TRMT44: variants seen among roughly 807,000 people sequenced by gnomAD.
TRMT44 encodes the protein tRNA methyltransferase 44 homolog.
A neutral mutation model predicts 77.3 loss-of-function variants in TRMT44; 78 were observed. The ratio of observed to expected loss-of-function variants is 1.01; its 90% CI spans 0.84 to 1.22. TRMT44 has a LOEUF of 1.22. Among genes scored for constraint, TRMT44 ranks in the 50% most tolerant of loss-of-function variants. TRMT44 has a pLI of 0.00. For missense variants in TRMT44, 1,090 were observed against 964.4 expected (o/e 1.13, Z -1.73); for synonymous variants, 391 against 383.3 (o/e 1.02, Z -0.23).
intron 2 of TRMT44, among the ~76,000 whole-genome samples, chr4:8,487,453 A>C (rs1292706293): frequency 1.3e-5 from 2 of 151,878 alleles, no homozygotes; most frequent in Admixed American, 1.3e-4. Context: ...TGCAGAGATA[A>C]GAGGTCGGGG....
chr4:8,505,639 C>T, the TRMT44 span, among the ~76,000 whole-genome samples: 3 of 152,240 alleles, frequency 2.0e-5, no homozygotes, highest in Non-Finnish European at 4.4e-5. Context: ...TCCTCACTGT[C>T]ACCCTCTCAT....
At chr4:8,498,773 T>A in the TRMT44 span, among the ~76,000 whole-genome samples, 1 of 152,258 alleles carries the variant, frequency 6.6e-6, no homozygotes, top group South Asian at 2.1e-4. This position sits in a 1 kb window ranked among gnomAD's most constrained non-coding sequence, Gnocchi z 4.3. Context: ...GCGATGCCAC[T>A]GTGCCCTGTC....
chr4:8,441,446 G>A lies in TRMT44; in HGVS notation c.619+5G>A. 6.7e-7 allele frequency: 1 copy of A among 1,500,686 alleles called. No individual in the cohort carries two copies. Among genetic ancestry groups the A allele is most frequent in the South Asian group, 1.3e-5 (1 of 79,580 alleles). The allele number at this position is 1,500,686 out of a possible 1,614,324, so 93.0% of individuals were successfully genotyped here. On this transcript the variant is annotated splice_donor_5th_base_variant and intron_variant, in intron 1 of 10. Transcript: ENST00000389737. ...GGAGGGAAATAGTCGTGCAAGGTAA[G>A]AGTGTTTTGATAGTGGACGGATATG...
chr4:8,506,032 ACAG>A, the TRMT44 span, among the ~76,000 whole-genome samples: 2 of 152,232 alleles, frequency 1.3e-5, no homozygotes, highest in African/African-American at 2.4e-5. Context: ...GTATTTCTTC[ACAG>A]CAGTGTGAAA....
chr4:8,454,482 GA>G, intron 5 of TRMT44: 1 of 563,062 alleles, frequency 1.8e-6, no homozygotes, highest in Admixed American at 3.0e-5. Flanking sequence ...ACAGCAGCAA[GA>G]AAATCAGCTT....
chr4:8,489,473 T>C (rs1727925243), intron 2 of TRMT44, among the ~76,000 whole-genome samples: 1 of 151,778 alleles, frequency 6.6e-6, no homozygotes. Context: ...TTTGTTTTGT[T>C]TTGTTTTGTT....
rs1725518709 is a variant in TRMT44, at chr4:8,452,528, A to T, written c.1024-354A>T. 6.6e-6 allele frequency among the ~76,000 whole-genome samples: 1 copy of T among 152,178 alleles called. No homozygotes were observed. Among genetic ancestry groups the T allele is most frequent in the African/African-American group, 2.4e-5 (1 of 41,442 alleles). On this transcript the variant is annotated intron_variant, in intron 4 of 10. Coordinates refer to ENST00000389737, the MANE Select transcript of TRMT44 (RefSeq NM_152544.3). This position sits in a 1 kb window ranked among gnomAD's most constrained non-coding sequence, Gnocchi z 5.7. ...GGCGGGCAGATCACTTGAGGTCAGG[A>T]GTTTGAGACCAGCCTGGCCAACATG...
chr4:8,480,030 G>A (rs534158412), downstream of TRMT44, among the ~76,000 whole-genome samples: 6 of 152,068 alleles, frequency 3.9e-5, no homozygotes, highest in Non-Finnish European at 7.4e-5. Context: ...ACAGGCACGT[G>A]CCACCATGTT....
In TRMT44 at chr4:8,454,914, G is replaced by A. The variant is rs796388367; in HGVS notation, c.1203+101G>A. 3.3e-5 allele frequency: 34 copies of A among 1,042,624 alleles called. 1 individual carries two copies. The African/African-American group carries it at 5.1e-4, about 16-fold the overall frequency. The allele number at this position is 1,042,624 out of a possible 1,614,324, so 64.6% of individuals were successfully genotyped here. ...CTCTTTGTATAGGTCAAGCAGACAT[G>A]CTGATAGTAAACCTTCACATTAATC... On this transcript the variant is annotated intron_variant, in intron 6 of 10. Coordinates refer to ENST00000389737, the MANE Select transcript of TRMT44 (RefSeq NM_152544.3).
At chr4:8,513,645 A>T in the TRMT44 span, among the ~76,000 whole-genome samples, 4 of 152,238 alleles carry the variant, frequency 2.6e-5, no homozygotes, top group Non-Finnish European at 5.9e-5. Context: ...CCTGACAAAG[A>T]ATTGGAACCT....
downstream of TRMT44, among the ~76,000 whole-genome samples, chr4:8,481,482 T>C (rs1727611022): frequency 6.6e-6 from 1 of 152,204 alleles, no homozygotes; most frequent in South Asian, 2.1e-4. Flanking sequence ...TACAGGGATC[T>C]ACTCTCTTCG....
At chr4:8,449,994 ACC>A in intron 3 of TRMT44, 106 bp downstream of exon 3, 1 of 580,298 alleles carries the variant, frequency 1.7e-6, no homozygotes, top group Non-Finnish European at 2.5e-6. Context: ...TTGTTCTGTC[ACC>A]CCCCCAAAAA....
chr4:8,508,064 G>A, the TRMT44 span, among the ~76,000 whole-genome samples: 1 of 152,164 alleles, frequency 6.6e-6, no homozygotes, highest in South Asian at 2.1e-4. Flanking sequence ...CCACCACCAT[G>A]CCCAGCTAAT....
chr4:8,452,942 C>A lies in TRMT44; in HGVS notation c.1084C>A (p.Leu362Met), dbSNP rs923688313. The A allele has an allele frequency of 9.8e-6, 15 of 1,533,060 alleles. No individual in the cohort carries two copies. The highest frequency in any genetic ancestry group is 1.2e-5 in the Non-Finnish European group (14 of 1,145,534). 95.0% of individuals were successfully genotyped at this position (1,533,060 alleles called of 1,614,324 possible). ...AACTGCCAGGCAGTCCTTTGTGGACCTGGGATGTGGAAATGGCCTCCTGGT... is the reference window on the plus strand; with the variant it reads ...AACTGCCAGGCAGTCCTTTGTGGACATGGGATGTGGAAATGGCCTCCTGGT... Reference protein sequence around the residue: ...RLTARQSFVDLGCGNGLLVHI... With the variant: ...RLTARQSFVDMGCGNGLLVHI... Residue 362 changes from leucine to methionine, a missense_variant, in exon 5 of 11, where the codon CTG becomes ATG. Physicochemically the swap from Leu to Met is conservative, Grantham distance 15. Transcript: ENST00000389737. This position sits in a 1 kb window ranked among gnomAD's most constrained non-coding sequence, Gnocchi z 5.7.
chr4:8,458,845 A>G (rs572018918), intron 6 of TRMT44, among the ~76,000 whole-genome samples: 2 of 152,238 alleles, frequency 1.3e-5, no homozygotes, highest in African/African-American at 4.8e-5. Context: ...TTATGTTTAT[A>G]TTATTGATAA....
Position 8,444,706 on chromosome 4 carries a change from A to G in TRMT44, c.620-1770A>G, listed in dbSNP as rs138399830. On this transcript the variant is annotated intron_variant, in intron 1 of 10. Coordinates refer to ENST00000389737, the MANE Select transcript of TRMT44 (RefSeq NM_152544.3). The surrounding 1 kb of genome is among the most constrained non-coding windows in gnomAD (Gnocchi z 4.0). ...AGCCACCTCTCCCGGCCACTATTGT[A>G]CATTTTTAAATAACGAAAAGAGTGT... 1.9e-3 allele frequency among the ~76,000 whole-genome samples: 290 copies of G among 152,340 alleles called. 1 individual carries two copies. The highest frequency in any genetic ancestry group is 6.8e-3 in the Middle Eastern group (2 of 294).
chr4:8,485,481 A>G (rs1037180515), intron 2 of TRMT44, among the ~76,000 whole-genome samples: 2 of 152,214 alleles, frequency 1.3e-5, no homozygotes, highest in African/African-American at 4.8e-5. Context: ...GTGAGTGATA[A>G]CAGGCTTTAA....
At chr4:8,477,841 C>A (rs148274675), downstream of TRMT44, 1,265 of 152,656 alleles carry the variant, frequency 8.3e-3, 6 homozygotes, top group South Asian at 0.034. Flanking sequence ...CACAAAGGGG[C>A]TTGGGGCGAC....
At position 8,447,000 on chromosome 4, in the gene TRMT44, C is replaced by G. The variant is rs1725100686; in HGVS notation, c.734+410C>G. On this transcript the variant is annotated intron_variant, in intron 2 of 10. Transcript: ENST00000389737. This position sits in a 1 kb window ranked among gnomAD's most constrained non-coding sequence, Gnocchi z 4.3. ...TCCTGCATTTAAGTGATTCTCGTGC[C>G]TCAGTCTGCACAGTACAGGCACCCA... Among the ~76,000 whole-genome samples the G allele has an allele frequency of 6.6e-6, 1 of 152,136 alleles. No individual in the cohort carries two copies. Among genetic ancestry groups the G allele is most frequent in the South Asian group, 2.1e-4 (1 of 4,830 alleles).
Sources: allele counts gnomAD v4.1 joint callset (sites outside exome capture counted in the v4.1 genomes callset), GRCh38; gene constraint gnomAD v4.1.1; non-coding constraint Gnocchi (gnomAD v3.1); transcripts MANE v1.5; gene names NCBI Gene and HGNC (gene_info 2026-07-23, HGNC 2026-07-21).